The following DHRSX variants were observed in gnomAD, a reference collection of about 807,000 sequenced individuals.
DHRSX encodes polyprenol dehydrogenase.
Under a neutral mutation model 34.0 loss-of-function variants are expected in DHRSX, and 31 were observed. That is an observed-to-expected ratio of 0.91 (90% CI 0.69 to 1.23). The LOEUF is 1.23. DHRSX is among the 50% of genes most tolerant of loss of function. The pLI is 0.00. For synonymous variants in DHRSX, 201 were observed against 183.8 expected (o/e 1.09, Z -0.76); for missense variants, 414 against 428.1 (o/e 0.97, Z 0.29).
intron 3 of DHRSX, among the ~76,000 whole-genome samples, chrX:2,386,155 AAT>A (rs2043268390): frequency 1.5e-5 from 2 of 131,940 alleles, no homozygotes; most frequent in East Asian, 4.7e-4. Flanking sequence ...ATAGATAATC[AAT>A]TATTTATTTA....
chrX:2,273,334 TA>T (rs1348524161), intron 4 of DHRSX, among the ~76,000 whole-genome samples: 1 of 152,008 alleles, frequency 6.6e-6, no homozygotes, highest in Non-Finnish European at 1.5e-5. Context: ...GAGTACTGGA[TA>T]AAGAAAATGG....
chrX:2,356,478 A>G (rs1336296317), intron 3 of DHRSX, among the ~76,000 whole-genome samples: 6 of 152,194 alleles, frequency 3.9e-5, no homozygotes, highest in Non-Finnish European at 8.8e-5. Flanking sequence ...ACATGAAGTG[A>G]TTGGAGAAAA....
intron 1 of DHRSX, among the ~76,000 whole-genome samples, chrX:2,463,988 C>T (rs868279217): frequency 6.6e-6 from 1 of 152,170 alleles, no homozygotes; most frequent in Non-Finnish European, 1.5e-5. Context: ...TGTGTACACA[C>T]TGAAGACATT....
chrX:2,478,282 C>T (rs1192319542), intron 1 of DHRSX, among the ~76,000 whole-genome samples: 4 of 152,050 alleles, frequency 2.6e-5, no homozygotes, highest in African/African-American at 7.2e-5. Context: ...TGGGCGGTGA[C>T]AGAGGAAAGG....
intron 1 of DHRSX, among the ~76,000 whole-genome samples, chrX:2,426,526 C>T (rs2043850110): frequency 7.2e-6 from 1 of 139,284 alleles, no homozygotes; most frequent in South Asian, 2.6e-4. Flanking sequence ...CTCCCTTTTT[C>T]CTTCCTTCCT....
rs1471239311 is a variant in DHRSX, at chrX:2,346,936, G to C, written c.287-55333C>G. Among the ~76,000 whole-genome samples the C allele has an allele frequency of 2.6e-5, 4 of 152,218 alleles. No individual in the cohort carries two copies. In the East Asian group the frequency reaches 5.8e-4, roughly 22 times the overall value. On this transcript the variant is annotated intron_variant, in intron 3 of 6. Coordinates refer to ENST00000334651, the MANE Select transcript of DHRSX (RefSeq NM_145177.3). The stretch of plus-strand genomic sequence containing the variant: ...GTCCTTGTGATAGTTTGCTGAGAAT[G>C]ATGGTTTCCAGCTTCATCCATGTCC...
rs1261456707 is a variant in DHRSX at position 2,219,536 on chromosome X, T to C, written c.*1505A>G. On this transcript the variant is annotated 3_prime_UTR_variant, in exon 7 of 7. Coordinates refer to ENST00000334651, the MANE Select transcript of DHRSX (RefSeq NM_145177.3). ...TTTTTAAAGAGGCCAAACAATACAT[T>C]TATTATTTTCATTTAAGTTGCTTAT... 1 of 152,022 alleles carries C rather than the reference T, an allele frequency of 6.6e-6. No homozygotes were observed. The highest frequency in any genetic ancestry group is 1.5e-5 in the Non-Finnish European group (1 of 68,008). The allele number at this position is 152,022 out of a possible 1,614,324, so 9.4% of individuals were successfully genotyped here.
At chrX:2,286,709 A>G (rs1230997964) in intron 4 of DHRSX, among the ~76,000 whole-genome samples, 2 of 149,630 alleles carry the variant, frequency 1.3e-5, no homozygotes. Flanking sequence ...AAAAAAATCC[A>G]GATCCTCTGC....
chrX:2,259,398 A>G (rs1441401288), intron 5 of DHRSX, among the ~76,000 whole-genome samples: 3 of 88,408 alleles, frequency 3.4e-5, no homozygotes, highest in African/African-American at 1.9e-4. Flanking sequence ...ATATATAGAT[A>G]TATATATAGA....
intron 1 of DHRSX, among the ~76,000 whole-genome samples, chrX:2,493,666 G>A (rs1328585931): frequency 6.6e-6 from 1 of 151,984 alleles, no homozygotes; most frequent in African/African-American, 2.4e-5. Flanking sequence ...CTCAGTACCT[G>A]TAGCAAAGAT....
rs1157841892 is a variant in DHRSX, at chrX:2,456,339, C to T, written c.110-31035G>A. On this transcript the variant is annotated intron_variant, in intron 1 of 6. Transcript: ENST00000334651. ...ATCAAGAATGAAGGGTGCGGCCGGG[C>T]GCAGTGGCTCATGCCTGTTATCCCA... 2.6e-5 allele frequency among the ~76,000 whole-genome samples: 4 copies of T among 152,080 alleles called. No individual in the cohort carries two copies. In the East Asian group the frequency reaches 5.8e-4, roughly 22 times the overall value.
chrX:2,460,848 G>A (rs1448309477), intron 1 of DHRSX, among the ~76,000 whole-genome samples: 1 of 151,992 alleles, frequency 6.6e-6, no homozygotes, highest in Non-Finnish European at 1.5e-5. Context: ...CTCCCAAAGT[G>A]CAGGTATTAC....
chrX:2,274,983 T>C (rs1457524268), intron 4 of DHRSX, among the ~76,000 whole-genome samples: 17 of 152,044 alleles, frequency 1.1e-4, no homozygotes, highest in Admixed American at 2.6e-4. Context: ...GCCATTATCA[T>C]GGCCTAGGAA....
intron 2 of DHRSX, among the ~76,000 whole-genome samples, chrX:2,420,412 A>T (rs897226573): frequency 5.1e-4 from 71 of 139,162 alleles, no homozygotes; most frequent in African/African-American, 1.4e-3. Context: ...CCATCTCAAA[A>T]AATAATAATA....
chrX:2,346,452 C>T (rs1417875979), intron 3 of DHRSX, among the ~76,000 whole-genome samples: 2 of 152,016 alleles, frequency 1.3e-5, no homozygotes, highest in Admixed American at 6.6e-5. Flanking sequence ...TTTTCCTGCC[C>T]CCAGCCTCCC....
chrX:2,484,555 T>C (rs1299667628), intron 1 of DHRSX, among the ~76,000 whole-genome samples: 1 of 152,140 alleles, frequency 6.6e-6, no homozygotes, highest in African/African-American at 2.4e-5. Flanking sequence ...CAAACCCTGC[T>C]GTTTTCGTCG....
intron 3 of DHRSX, among the ~76,000 whole-genome samples, chrX:2,396,216 G>C (rs187945670): frequency 6.6e-6 from 1 of 152,038 alleles, no homozygotes; most frequent in African/African-American, 2.4e-5. Flanking sequence ...CCCTAATCCA[G>C]AATGATCTCA....
At chrX:2,298,754 G>A (rs1404579601) in intron 3 of DHRSX, among the ~76,000 whole-genome samples, 1 of 151,942 alleles carries the variant, frequency 6.6e-6, no homozygotes, top group Admixed American at 6.6e-5. Context: ...GGGAGGCCGA[G>A]GCGGGCGGAT....
chrX:2,222,325 G>A (rs1053423391), intron 6 of DHRSX, among the ~76,000 whole-genome samples: 7 of 152,216 alleles, frequency 4.6e-5, no homozygotes, highest in African/African-American at 1.7e-4. Flanking sequence ...CTCCCCAGAG[G>A]TCAGGCTGGC....
Sources: gnomAD v4.1 joint callset for allele counts (sites outside exome capture counted in the v4.1 genomes callset) on GRCh38, gnomAD v4.1.1 for gene constraint, MANE v1.5 for transcripts, NCBI Gene and HGNC (gene_info 2026-07-23, HGNC 2026-07-21) for gene names.